The following SHQ1 variants were observed in gnomAD, a reference collection of about 807,000 sequenced individuals.
The protein encoded by SHQ1 is SHQ1, H/ACA ribonucleoprotein assembly factor, also known as protein SHQ1 homolog.
A neutral mutation model predicts 53.8 loss-of-function variants in SHQ1; 49 were observed. The ratio of observed to expected loss-of-function variants is 0.91; its 90% CI spans 0.72 to 1.16. SHQ1 has a LOEUF of 1.16. Among genes scored for constraint, SHQ1 ranks in the 50% most tolerant of loss-of-function variants. The probability of loss-of-function intolerance (pLI) is 0.00; values close to 1 mark genes in which losing one functional copy is unlikely to be tolerated. For missense variants in SHQ1, 738 were observed against 683.1 expected, an observed-to-expected ratio of 1.08 and a Z score of -0.90; for synonymous variants, 243 against 251.0, an observed-to-expected ratio of 0.97 and a Z score of 0.30.
At chr3:72,745,675 G>C (rs1705246532), downstream of SHQ1, among the ~76,000 whole-genome samples, 1 of 152,128 alleles carries the variant, frequency 6.6e-6, no homozygotes, top group South Asian at 2.1e-4. Flanking sequence ...GCTCTGGGAA[G>C]TCAGACAATA....
chr3:72,840,146 G>T (rs1247384358), intron 4 of SHQ1, among the ~76,000 whole-genome samples: 1 of 150,066 alleles, frequency 6.7e-6, no homozygotes, highest in African/African-American at 2.5e-5. Context: ...CAGCTACTTG[G>T]GAGGCTGAGG....
chr3:72,815,467 A>C (rs966165739), intron 7 of SHQ1, 64 bp from the exon 8 acceptor site: 1 of 1,262,226 alleles, frequency 7.9e-7, no homozygotes, highest in Admixed American at 1.7e-5. Context: ...AATAGACCAA[A>C]CAAATCCATT....
the SHQ1 span, among the ~76,000 whole-genome samples, chr3:72,729,982 C>G: frequency 3.3e-5 from 5 of 151,280 alleles, no homozygotes; most frequent in Non-Finnish European, 7.4e-5. Flanking sequence ...CCTCACCAGG[C>G]TAATTTTTTG....
At chr3:72,766,126 G>T (rs1170077351) in intron 10 of SHQ1, among the ~76,000 whole-genome samples, 5 of 152,054 alleles carry the variant, frequency 3.3e-5, no homozygotes, top group Non-Finnish European at 7.4e-5. Context: ...TGACCTTGGG[G>T]ACCCTATACA....
chr3:72,816,774 G>A (rs771864887), intron 7 of SHQ1, among the ~76,000 whole-genome samples: 1 of 152,100 alleles, frequency 6.6e-6, no homozygotes, highest in Non-Finnish European at 1.5e-5. Flanking sequence ...TATGAATTGA[G>A]GGACACTTGC....
intron 10 of SHQ1, among the ~76,000 whole-genome samples, chr3:72,764,901 TC>T (rs1223211994): frequency 1.3e-5 from 2 of 152,162 alleles, no homozygotes; most frequent in African/African-American, 4.8e-5. Flanking sequence ...GGTGGGAGGT[TC>T]CCCCTGTTCC....
chr3:72,823,614 T>C lies in SHQ1; in HGVS notation c.727+810A>G, dbSNP rs192601233. ...CTTCAGGTAGATCTCTACATACTAA[T>C]ATGGAAGATGTGCAACACACACTAC... On this transcript the variant is annotated intron_variant, in intron 6 of 10. Coordinates refer to ENST00000325599, the MANE Select transcript of SHQ1 (RefSeq NM_018130.3). Among the ~76,000 whole-genome samples the C allele has an allele frequency of 3.8e-3, 584 of 152,274 alleles. 2 individuals carry two copies. Among genetic ancestry groups the C allele is most frequent in the African/African-American group, 0.013 (552 of 41,552 alleles).
chr3:72,754,174 T>A (rs903282233), intron 10 of SHQ1, among the ~76,000 whole-genome samples: 9 of 152,110 alleles, frequency 5.9e-5, no homozygotes, highest in Non-Finnish European at 1.0e-4. Context: ...TTAACCACCT[T>A]GTGAATCAGT....
At chr3:72,810,584 T>A (rs991001688) in intron 9 of SHQ1, among the ~76,000 whole-genome samples, 1 of 152,202 alleles carries the variant, frequency 6.6e-6, no homozygotes, top group South Asian at 2.1e-4. Context: ...TAATAAAAAG[T>A]GTGAACACTG....
chr3:72,823,165 AAAG>A (rs1481307881), intron 6 of SHQ1, among the ~76,000 whole-genome samples: 1 of 151,876 alleles, frequency 6.6e-6, no homozygotes, highest in African/African-American at 2.4e-5. Flanking sequence ...AAAAAAAAAA[AAAG>A]AGTCACTATA....
the SHQ1 span, among the ~76,000 whole-genome samples, chr3:72,735,645 A>G: frequency 6.9e-6 from 1 of 145,506 alleles, no homozygotes; most frequent in Non-Finnish European, 1.5e-5. Flanking sequence ...AAGCCCATAT[A>G]TTGCTCAGAA....
intron 4 of SHQ1, among the ~76,000 whole-genome samples, chr3:72,839,821 C>T (rs1325934888): frequency 1.3e-5 from 2 of 151,954 alleles, no homozygotes; most frequent in South Asian, 2.1e-4. Context: ...AGTGCAGTGG[C>T]GAGATCTCAG....
intron 6 of SHQ1, among the ~76,000 whole-genome samples, chr3:72,821,653 C>A (rs1450294566): frequency 6.6e-6 from 1 of 152,144 alleles, no homozygotes; most frequent in Non-Finnish European, 1.5e-5. Context: ...CCTGGCGACA[C>A]CTGATGAGGA....
chr3:72,753,001 A>T, intron 10 of SHQ1: 2 of 985,424 alleles, frequency 2.0e-6, no homozygotes, highest in South Asian at 9.4e-5. Flanking sequence ...TAGATTTATA[A>T]TATTACATTG....
chr3:72,764,529 T>G (rs996125021), intron 10 of SHQ1, among the ~76,000 whole-genome samples: 4 of 152,236 alleles, frequency 2.6e-5, no homozygotes, highest in Admixed American at 6.5e-5. Context: ...AGAATACCCT[T>G]AAATGACAGC....
At chr3:72,786,030 C>T (rs1234015311) in intron 10 of SHQ1, among the ~76,000 whole-genome samples, 1 of 152,184 alleles carries the variant, frequency 6.6e-6, no homozygotes, top group African/African-American at 2.4e-5. Context: ...CATATGCCAC[C>T]TTTAACAGCC....
At chr3:72,809,986 T>A (rs566232962) in intron 9 of SHQ1, 1 of 151,650 alleles carries the variant, frequency 6.6e-6, no homozygotes, top group East Asian at 1.9e-4. Flanking sequence ...AAAGAATAAC[T>A]CTTCTGAAGA....
intron 10 of SHQ1, among the ~76,000 whole-genome samples, chr3:72,785,088 T>C (rs921591687): frequency 5.9e-5 from 9 of 152,214 alleles, no homozygotes; most frequent in African/African-American, 2.2e-4. Flanking sequence ...CCACTGAAAG[T>C]AAAGACATGT....
chr3:72,838,160 G>A (rs1377576803), intron 4 of SHQ1, among the ~76,000 whole-genome samples: 1 of 152,196 alleles, frequency 6.6e-6, no homozygotes, highest in East Asian at 1.9e-4. Context: ...TTTTGAATAC[G>A]TACACTAAGT....
Sources: allele counts gnomAD v4.1 joint callset (sites outside exome capture counted in the v4.1 genomes callset), GRCh38; gene constraint gnomAD v4.1.1; transcripts MANE v1.5; gene names NCBI Gene and HGNC (gene_info 2026-07-23, HGNC 2026-07-21).